Variants in GMDS observed in about 807,000 individuals in gnomAD.
The protein encoded by GMDS is GDP-mannose 4,6-dehydratase.
GMDS carries 20 observed loss-of-function variants against 49.9 expected under a neutral mutation model. That is an observed-to-expected ratio of 0.40 (90% CI 0.28 to 0.58). The LOEUF is 0.58. GMDS is among the 20% of genes least tolerant of loss of function. GMDS has a pLI of 0.42. For missense variants in GMDS, 362 were observed against 481.4 expected (o/e 0.75, Z 2.32); for synonymous variants, 177 against 178.6 (o/e 0.99, Z 0.07).
At chr6:1,805,157 ATTAGT>A (rs1770120927) in intron 7 of GMDS, among the ~76,000 whole-genome samples, 1 of 152,158 alleles carries the variant, frequency 6.6e-6, no homozygotes, top group South Asian at 2.1e-4. Flanking sequence ...AAGGTAAATT[ATTAGT>A]TTAGTTCTTT....
At chr6:1,688,286 T>C (rs1041805633) in intron 9 of GMDS, among the ~76,000 whole-genome samples, 1 of 152,252 alleles carries the variant, frequency 6.6e-6, no homozygotes, top group Admixed American at 6.5e-5. Context: ...GCATATTTTC[T>C]CTACCAGTCT....
At chr6:2,081,414 T>C (rs1772686253) in intron 4 of GMDS, among the ~76,000 whole-genome samples, 1 of 152,096 alleles carries the variant, frequency 6.6e-6, no homozygotes, top group Non-Finnish European at 1.5e-5. Context: ...ACACAAAGTC[T>C]TTCATCAGGA....
chr6:2,182,624 C>T (rs766686361), intron 1 of GMDS, among the ~76,000 whole-genome samples: 9 of 152,192 alleles, frequency 5.9e-5, no homozygotes, highest in African/African-American at 9.7e-5. Context: ...ATAAATGAAA[C>T]AACAAAGCCT....
rs189922182 is a variant in GMDS, at chr6:1,856,601, C to T, written c.771+73502G>A. ...CTTTGCTCAAGACAGGCAATCCTGG[C>T]ATACTGCCCAGAGCAAGGAAGCTGT... is the stretch of plus-strand genomic sequence containing the variant. On this transcript the variant is annotated intron_variant, in intron 7 of 10. Transcript: ENST00000380815. Among the ~76,000 whole-genome samples, 45 of 152,350 alleles carry T rather than the reference C, an allele frequency of 3.0e-4. 1 individual carries two copies. Among genetic ancestry groups the T allele is most frequent in the Middle Eastern group, 3.4e-3 (1 of 294 alleles).
In GMDS at chr6:1,720,300, C is replaced by T. The variant is rs1398343653; in HGVS notation, c.987+6116G>A. ...TATATGGCCCTTGGGGATTTGTATG[C>T]GATCCTATGAAGTATGGAAAACAAA... is the stretch of plus-strand genomic sequence containing the variant. On this transcript the variant is annotated intron_variant, in intron 9 of 10. Coordinates refer to ENST00000380815, the MANE Select transcript of GMDS (RefSeq NM_001500.4). Among the ~76,000 whole-genome samples the T allele has an allele frequency of 3.9e-5, 6 of 151,970 alleles. No homozygotes were observed. In the East Asian group the frequency reaches 7.8e-4, roughly 20 times the overall value.
At chr6:2,084,102 T>A (rs974136015) in intron 4 of GMDS, among the ~76,000 whole-genome samples, 6 of 152,202 alleles carry the variant, frequency 3.9e-5, no homozygotes, top group Admixed American at 6.5e-5. Context: ...TGCAAGTAAC[T>A]TACTTTCCTG....
chr6:1,929,958 T>G (rs1762211704), intron 7 of GMDS, 145 bp downstream of exon 7: 9 of 668,124 alleles, frequency 1.3e-5, no homozygotes, highest in Non-Finnish European at 2.3e-5. Context: ...ATCCCTGAAG[T>G]GAAAGCAGCA....
intron 1 of GMDS, among the ~76,000 whole-genome samples, chr6:2,240,530 G>T (rs1781564339): frequency 6.7e-6 from 1 of 149,362 alleles, no homozygotes; most frequent in Non-Finnish European, 1.5e-5. Flanking sequence ...TTTGAACCTG[G>T]AAGGTAGAGG....
chr6:1,863,779 G>C (rs1758310830), intron 7 of GMDS, among the ~76,000 whole-genome samples: 1 of 152,072 alleles, frequency 6.6e-6, no homozygotes, highest in Non-Finnish European at 1.5e-5. Flanking sequence ...TTATTGCAAA[G>C]CCAATAAAAG....
chr6:2,158,009 A>G (rs1080100), intron 1 of GMDS, among the ~76,000 whole-genome samples: 47,767 of 151,958 alleles, frequency 0.31, 8,931 homozygotes, highest in East Asian at 0.49. Context: ...TGTCTCTAAG[A>G]TGGTAGCTGA....
intron 4 of GMDS, among the ~76,000 whole-genome samples, chr6:2,017,449 C>T (rs1767977599): frequency 6.6e-6 from 1 of 152,108 alleles, no homozygotes; most frequent in Non-Finnish European, 1.5e-5. Flanking sequence ...ACTGGGATTA[C>T]AGGCGCGTGC....
intron 9 of GMDS, among the ~76,000 whole-genome samples, chr6:1,646,258 G>A (rs772192880): frequency 2.6e-5 from 4 of 152,100 alleles, no homozygotes; most frequent in East Asian, 1.9e-4. Flanking sequence ...CTCAGTTCCC[G>A]TGTCCTTGGA....
At chr6:1,655,262 C>T (rs1763835236) in intron 9 of GMDS, among the ~76,000 whole-genome samples, 1 of 152,080 alleles carries the variant, frequency 6.6e-6, no homozygotes, top group Non-Finnish European at 1.5e-5. Flanking sequence ...TAGCACAGTG[C>T]TGGTTACATC....
chr6:2,000,769 C>T (rs1021535906), intron 4 of GMDS, among the ~76,000 whole-genome samples: 16 of 152,160 alleles, frequency 1.1e-4, no homozygotes, highest in Non-Finnish European at 5.9e-5. Context: ...TCAAGTGGTT[C>T]TCCCACCTTA....
chr6:2,200,892 T>C (rs1010503789), intron 1 of GMDS, among the ~76,000 whole-genome samples: 7 of 138,726 alleles, frequency 5.0e-5, no homozygotes, highest in Non-Finnish European at 9.3e-5. Context: ...GAGCACCAAA[T>C]GGGCATCCGA....
At chr6:1,944,972 C>T (rs1023283376) in intron 6 of GMDS, among the ~76,000 whole-genome samples, 2 of 152,086 alleles carry the variant, frequency 1.3e-5, no homozygotes, top group Non-Finnish European at 2.9e-5. Context: ...TACTTATTCA[C>T]CCAAGGAAAA....
intron 7 of GMDS, among the ~76,000 whole-genome samples, chr6:1,744,940 C>T (rs987037928): frequency 6.6e-6 from 1 of 152,184 alleles, no homozygotes; most frequent in Non-Finnish European, 1.5e-5. Flanking sequence ...CCACTTCACC[C>T]AAGTGGGCGC....
In GMDS at chr6:1,980,135, A is replaced by G. The variant is rs1214360232; in HGVS notation, c.346-19169T>C. On this transcript the variant is annotated intron_variant, in intron 4 of 10. Coordinates refer to ENST00000380815, the MANE Select transcript of GMDS (RefSeq NM_001500.4). ...CAGTGACACTATGAAGTAACCACAT[A>G]AACAAGTCTGCACAATAACCAGCTA... Among the ~76,000 whole-genome samples, 3 of 152,182 alleles carry G rather than the reference A, an allele frequency of 2.0e-5. No homozygotes were observed. In the East Asian group the frequency reaches 5.8e-4, roughly 29 times the overall value.
chr6:1,725,656 T>C (rs1156356765), intron 9 of GMDS, among the ~76,000 whole-genome samples: 1 of 152,174 alleles, frequency 6.6e-6, no homozygotes, highest in African/African-American at 2.4e-5. Context: ...GGTCTTGAAC[T>C]CCTGAGCTCA....
Sources: gnomAD v4.1 joint callset for allele counts (sites outside exome capture counted in the v4.1 genomes callset) on GRCh38, gnomAD v4.1.1 for gene constraint, MANE v1.5 for transcripts, NCBI Gene and HGNC (gene_info 2026-07-23, HGNC 2026-07-21) for gene names.